The following UPP2 variants were observed in gnomAD, a reference collection of about 807,000 sequenced individuals.
UPP2 encodes the protein uridine phosphorylase 2.
Under a neutral mutation model 26.7 loss-of-function variants are expected in UPP2, and 23 were observed. The observed-to-expected ratio is 0.86, with a 90% CI of 0.62 to 1.22. UPP2 has a LOEUF of 1.22. UPP2 is among the 50% of genes most tolerant of loss of function. The probability of loss-of-function intolerance (pLI) is 0.00; values close to 1 mark genes in which losing one functional copy is unlikely to be tolerated. For missense variants in UPP2, 387 were observed against 396.7 expected, an observed-to-expected ratio of 0.98 and a Z score of 0.21; for synonymous variants, 127 against 141.3, an observed-to-expected ratio of 0.90 and a Z score of 0.72.
intron 3 of UPP2, among the ~76,000 whole-genome samples, chr2:158,028,580 T>C (rs2105154394): frequency 6.6e-6 from 1 of 152,358 alleles, no homozygotes; most frequent in South Asian, 2.1e-4. Context: ...AACCTCTGCA[T>C]GTTACCCAGT....
chr2:158,090,904 G>A (rs570602079), intron 3 of UPP2, among the ~76,000 whole-genome samples: 5 of 152,170 alleles, frequency 3.3e-5, no homozygotes, highest in Non-Finnish European at 5.9e-5. Context: ...TGGTTTGTAG[G>A]TGACCGTTGA....
At chr2:158,112,838 G>GT (rs1403514578) in intron 2 of UPP2, among the ~76,000 whole-genome samples, 2 of 152,136 alleles carry the variant, frequency 1.3e-5, no homozygotes, top group African/African-American at 2.4e-5. Context: ...CTAAAGCTGA[G>GT]TTTTTTTCTG....
At chr2:158,117,770 CT>C (rs1683471855) in intron 3 of UPP2, 53 bp from the exon 4 acceptor site, 3 of 1,304,582 alleles carry the variant, frequency 2.3e-6, no homozygotes, top group African/African-American at 2.9e-5. Context: ...AAATTATGTC[CT>C]GTTCATGTAT....
chr2:158,022,531 A>G (rs369710074), intron 3 of UPP2, among the ~76,000 whole-genome samples: 2 of 151,598 alleles, frequency 1.3e-5, no homozygotes, highest in African/African-American at 4.9e-5. Context: ...AATTTATTCT[A>G]TTATGTTATA....
intron 2 of UPP2, among the ~76,000 whole-genome samples, chr2:158,106,567 A>C (rs972011549): frequency 6.6e-6 from 1 of 152,184 alleles, no homozygotes; most frequent in African/African-American, 2.4e-5. Context: ...TAATCTCACT[A>C]GTTCTCGTTT....
At chr2:158,078,309 A>G (rs1298585399) in intron 3 of UPP2, among the ~76,000 whole-genome samples, 1 of 152,154 alleles carries the variant, frequency 6.6e-6, no homozygotes, top group Non-Finnish European at 1.5e-5. Context: ...AGAAATCAGT[A>G]TATTGAAGAA....
chr2:158,052,432 G>A (rs762272390), intron 3 of UPP2, among the ~76,000 whole-genome samples: 22 of 152,300 alleles, frequency 1.4e-4, no homozygotes, highest in African/African-American at 3.6e-4. Context: ...GGACACTATC[G>A]AGAGTTACTC....
At chr2:158,108,748 T>C (rs536296132) in intron 2 of UPP2, among the ~76,000 whole-genome samples, 2 of 152,280 alleles carry the variant, frequency 1.3e-5, no homozygotes, top group South Asian at 4.1e-4. Context: ...TCCAACCTTA[T>C]ACATTCACCA....
At chr2:158,087,201 A>G (rs1012804688) in intron 3 of UPP2, among the ~76,000 whole-genome samples, 1 of 152,074 alleles carries the variant, frequency 6.6e-6, no homozygotes, top group African/African-American at 2.4e-5. Flanking sequence ...TAGGATTGTG[A>G]TATTTTTCTG....
intron 1 of UPP2, among the ~76,000 whole-genome samples, chr2:158,104,747 C>T (rs1683144172): frequency 6.6e-6 from 1 of 151,900 alleles, no homozygotes. Context: ...CATGGTGAAA[C>T]CCCATCTCTA....
chr2:158,014,276 T>C (rs1235775469), intron 2 of UPP2, among the ~76,000 whole-genome samples: 1 of 152,168 alleles, frequency 6.6e-6, no homozygotes, highest in African/African-American at 2.4e-5. Context: ...GTGGAATCAA[T>C]TAGGAAAGTT....
At chr2:158,021,085 T>G (rs918397691) in intron 3 of UPP2, among the ~76,000 whole-genome samples, 1 of 152,148 alleles carries the variant, frequency 6.6e-6, no homozygotes, top group Non-Finnish European at 1.5e-5. Flanking sequence ...CTTCTCAAGA[T>G]GACGCTTTTA....
rs189496173 is a variant in UPP2, at chr2:158,047,324, T to G, written c.147+31438T>G. 2.3e-3 allele frequency among the ~76,000 whole-genome samples: 343 copies of G among 152,306 alleles called. 3 individuals carry two copies. Among genetic ancestry groups the G allele is most frequent in the African/African-American group, 8.0e-3 (334 of 41,580 alleles). On this transcript the variant is annotated intron_variant, in intron 3 of 9. Coordinates refer to the UPP2 transcript ENST00000605860. ...AAACTTTAGCATGAGCACAGGCTGA[T>G]TAGCTGATGGCAAAGCCACATGATG...
chr2:158,070,296 G>T (rs956794348), intron 3 of UPP2, among the ~76,000 whole-genome samples: 1 of 152,120 alleles, frequency 6.6e-6, no homozygotes, highest in African/African-American at 2.4e-5. Flanking sequence ...CATTTATGTT[G>T]GTGTCATTCA....
intron 3 of UPP2, among the ~76,000 whole-genome samples, chr2:158,046,824 C>G (rs1390104597): frequency 6.6e-6 from 1 of 152,150 alleles, no homozygotes; most frequent in African/African-American, 2.4e-5. Context: ...AGTTTCATCT[C>G]TTTTCCTTAT....
chr2:158,052,230 A>G (rs774972601), intron 3 of UPP2, among the ~76,000 whole-genome samples: 12 of 152,200 alleles, frequency 7.9e-5, no homozygotes, highest in Non-Finnish European at 1.5e-4. Context: ...CCTGAAGGAA[A>G]AAGTAGGTAA....
rs183980724 is a variant in UPP2 at position 158,079,083 on chromosome 2, C to G, written c.148-22957C>G. 8.2e-4 allele frequency among the ~76,000 whole-genome samples: 125 copies of G among 152,176 alleles called. 1 individual carries two copies. The highest frequency in any genetic ancestry group is 5.9e-5 in the Non-Finnish European group (4 of 68,002). On this transcript the variant is annotated intron_variant, in intron 3 of 9. Transcript: ENST00000605860. Reference sequence around the variant, plus strand: ...TCCCCCTTCGCTCAGCATTCATTCTCTCTCCTGACACCATGTGAAGAGGTG... The same window carrying G: ...TCCCCCTTCGCTCAGCATTCATTCTGTCTCCTGACACCATGTGAAGAGGTG...
At chr2:158,050,600 C>T (rs1011436643) in intron 3 of UPP2, among the ~76,000 whole-genome samples, 5 of 151,762 alleles carry the variant, frequency 3.3e-5, no homozygotes, top group African/African-American at 1.2e-4. Flanking sequence ...AAGTTCCAGG[C>T]CAGTGTGGAT....
At chr2:158,062,135 C>T (rs181690618) in intron 3 of UPP2, among the ~76,000 whole-genome samples, 26 of 152,288 alleles carry the variant, frequency 1.7e-4, no homozygotes, top group Admixed American at 5.9e-4. Context: ...AAGCCCTTTA[C>T]GGAAAAGTTT....
Sources: gnomAD v4.1 joint callset for allele counts (sites outside exome capture counted in the v4.1 genomes callset) on GRCh38, gnomAD v4.1.1 for gene constraint, MANE v1.5 for transcripts, NCBI Gene and HGNC (gene_info 2026-07-23, HGNC 2026-07-21) for gene names.